CDIN1: variants seen among roughly 807,000 people sequenced by gnomAD.
CDIN1 encodes CDAN1-interacting nuclease 1.
A neutral mutation model predicts 45.3 loss-of-function variants in CDIN1; 33 were observed. That is an observed-to-expected ratio of 0.73 (90% CI 0.55 to 0.97). CDIN1 has a LOEUF of 0.97. Ranked by LOEUF, CDIN1 falls within the 50% of genes least tolerant of loss-of-function variation. The probability of loss-of-function intolerance (pLI) is 0.00; values close to 1 mark genes in which losing one functional copy is unlikely to be tolerated. For missense variants in CDIN1, 303 were observed against 339.4 expected, an observed-to-expected ratio of 0.89 and a Z score of 0.84; for synonymous variants, 118 against 124.4, an observed-to-expected ratio of 0.95 and a Z score of 0.34.
intron 5 of CDIN1, among the ~76,000 whole-genome samples, chr15:36,687,804 T>G (rs2042113782): frequency 6.6e-6 from 1 of 152,118 alleles, no homozygotes; most frequent in African/African-American, 2.4e-5. Flanking sequence ...AGTAGGAACT[T>G]CAGTTTTCTG....
At chr15:36,648,923 A>T (rs2040464119) in intron 3 of CDIN1, among the ~76,000 whole-genome samples, 1 of 152,178 alleles carries the variant, frequency 6.6e-6, no homozygotes, top group South Asian at 2.1e-4. Context: ...AACAGGGTGG[A>T]TCTGCTGTAA....
At chr15:36,745,779 AACATGGTGAAACC>A (rs1335357375) in intron 10 of CDIN1, among the ~76,000 whole-genome samples, 2 of 152,126 alleles carry the variant, frequency 1.3e-5, no homozygotes, top group African/African-American at 4.8e-5. Context: ...CGGCCTGGCC[AACATGGTGAAACC>A]CTGTCTCTAC....
chr15:36,662,011 A>G (rs2041035057), intron 5 of CDIN1, among the ~76,000 whole-genome samples: 2 of 152,220 alleles, frequency 1.3e-5, no homozygotes, highest in South Asian at 4.1e-4. Context: ...TAAATCGACC[A>G]TGTTTACTGC....
chr15:36,770,924 T>C (rs1392284360), intron 10 of CDIN1, among the ~76,000 whole-genome samples: 1 of 152,208 alleles, frequency 6.6e-6, no homozygotes, highest in Non-Finnish European at 1.5e-5. Context: ...TGAATGAGCA[T>C]CTCTGGGGTG....
intron 5 of CDIN1, 120 bp downstream of exon 5, chr15:36,658,025 G>A (rs2040849971): frequency 5.4e-6 from 4 of 740,378 alleles, no homozygotes; most frequent in Non-Finnish European, 8.8e-6. Flanking sequence ...ATCATGAACA[G>A]TTAATGACAA....
chr15:36,654,246 T>A, intron 4 of CDIN1, 88 bp downstream of exon 4: 2 of 1,060,256 alleles, frequency 1.9e-6, no homozygotes, highest in Non-Finnish European at 2.8e-6. Flanking sequence ...ATAACTACCT[T>A]TGGAAAAAAA....
At chr15:36,787,630 A>C (rs748446464) in intron 10 of CDIN1, among the ~76,000 whole-genome samples, 3 of 152,320 alleles carry the variant, frequency 2.0e-5, no homozygotes, top group Non-Finnish European at 4.4e-5. Flanking sequence ...AATATCAAAT[A>C]AGTTGTTCTT....
At chr15:36,600,305 G>A (rs28410060) in intron 1 of CDIN1, among the ~76,000 whole-genome samples, 2,187 of 152,300 alleles carry the variant, frequency 0.014, 52 homozygotes, top group African/African-American at 0.05. Context: ...GGGGCCCTGT[G>A]TGGAGTCCCA....
intron 1 of CDIN1, chr15:36,613,742 A>G (rs2038758801): frequency 6.3e-6 from 10 of 1,585,278 alleles, no homozygotes; most frequent in Non-Finnish European, 6.9e-6. Flanking sequence ...TGAGACAGGT[A>G]TGAAGGTTTT....
intron 1 of CDIN1, chr15:36,618,107 C>T (rs963053906): frequency 8.2e-6 from 6 of 734,688 alleles, no homozygotes; most frequent in African/African-American, 3.5e-5. Context: ...ACCACTGGCC[C>T]GCTTTCCCAA....
intron 1 of CDIN1, among the ~76,000 whole-genome samples, chr15:36,607,665 A>G (rs758406010): frequency 3.3e-5 from 5 of 151,918 alleles, no homozygotes; most frequent in Admixed American, 6.6e-5. Flanking sequence ...AGTGTATTGT[A>G]CGTTATATAA....
intron 5 of CDIN1, among the ~76,000 whole-genome samples, chr15:36,666,674 C>T (rs2041261600): frequency 6.6e-6 from 1 of 152,110 alleles, no homozygotes; most frequent in African/African-American, 2.4e-5. Flanking sequence ...TTCTTTTTCT[C>T]CTGGGTTAGA....
At chr15:36,581,358 T>C (rs1015380827) in intron 1 of CDIN1, among the ~76,000 whole-genome samples, 2 of 152,236 alleles carry the variant, frequency 1.3e-5, no homozygotes, top group African/African-American at 4.8e-5. Context: ...AGCAAATACC[T>C]TGTCTTCTCT....
At chr15:36,738,240 A>C (rs900877733) in intron 10 of CDIN1, among the ~76,000 whole-genome samples, 4 of 152,128 alleles carry the variant, frequency 2.6e-5, no homozygotes, top group African/African-American at 9.7e-5. Flanking sequence ...CCATATATCC[A>C]GTTGCCCATT....
At chr15:36,700,977 G>A (rs2042610293) in intron 8 of CDIN1, among the ~76,000 whole-genome samples, 1 of 151,920 alleles carries the variant, frequency 6.6e-6, no homozygotes, top group African/African-American at 2.4e-5. Context: ...GGCCAAAGTG[G>A]CAGGATCACT....
intron 8 of CDIN1, chr15:36,708,919 A>G (rs186477743): frequency 3.3e-5 from 7 of 209,550 alleles, no homozygotes; most frequent in African/African-American, 1.6e-4. Flanking sequence ...TTAAATCAGT[A>G]AGTATATTAC....
chr15:36,718,695 T>A (rs2043297116), intron 10 of CDIN1, among the ~76,000 whole-genome samples: 1 of 152,034 alleles, frequency 6.6e-6, no homozygotes, highest in Non-Finnish European at 1.5e-5. Flanking sequence ...TGATTTTCTA[T>A]ACTGCAATAA....
intron 5 of CDIN1, among the ~76,000 whole-genome samples, chr15:36,660,007 T>C (rs2040944766): frequency 7.5e-6 from 1 of 134,134 alleles, no homozygotes; most frequent in Admixed American, 8.1e-5. Context: ...TAAGTTACTG[T>C]GGCTTATATT....
chr15:36,721,136 G>A (rs982752132), intron 10 of CDIN1, among the ~76,000 whole-genome samples: 9 of 151,936 alleles, frequency 5.9e-5, no homozygotes, highest in African/African-American at 9.7e-5. Context: ...TTTTTTTCTC[G>A]TAAATTTGTT....
Sources: allele counts gnomAD v4.1 joint callset (sites outside exome capture counted in the v4.1 genomes callset), GRCh38; gene constraint gnomAD v4.1.1; transcripts MANE v1.5; gene names NCBI Gene and HGNC (gene_info 2026-07-23, HGNC 2026-07-21).